CHST15: variants seen among roughly 807,000 people sequenced by gnomAD.
CHST15 encodes B cell RAG associated protein (GALNAC4S-6ST).
Under a neutral mutation model 53.6 loss-of-function variants are expected in CHST15, and 30 were observed. The observed-to-expected ratio is 0.56, with a 90% CI of 0.42 to 0.76. CHST15 has a LOEUF of 0.76. CHST15 is among the 30% of genes least tolerant of loss of function. The pLI, the probability that CHST15 is intolerant of heterozygous loss-of-function variation, is 0.00. For synonymous variants in CHST15, 296 were observed against 289.8 expected, an observed-to-expected ratio of 1.02 and a Z score of -0.22; for missense variants, 627 against 740.5, an observed-to-expected ratio of 0.85 and a Z score of 1.78.
intron 1 of CHST15, among the ~76,000 whole-genome samples, chr10:124,087,949 G>C (rs376745970): frequency 3.9e-5 from 6 of 152,378 alleles, no homozygotes; most frequent in African/African-American, 1.4e-4. Context: ...TGAGGAGACA[G>C]AGTCCAGAGA....
intron 5 of CHST15, among the ~76,000 whole-genome samples, chr10:124,028,864 C>T (rs906009949): frequency 2.0e-5 from 3 of 152,184 alleles, no homozygotes; most frequent in South Asian, 2.1e-4. Flanking sequence ...TGGCTCACCC[C>T]GGTGACGCTG....
In CHST15 at chr10:124,047,988, C is replaced by T. The variant is rs116830048; in HGVS notation, c.-512-1264G>A. Among the ~76,000 whole-genome samples the T allele has an allele frequency of 4.3e-3, 660 of 152,320 alleles. 5 individuals carry two copies. Among genetic ancestry groups the T allele is most frequent in the African/African-American group, 0.015 (633 of 41,572 alleles). Reference sequence around the variant, plus strand: ...CTCCATAGAGGCAGCATTAACTAACCGCGCATCAAGATCGCCATGTACTGG... The same window carrying T: ...CTCCATAGAGGCAGCATTAACTAACTGCGCATCAAGATCGCCATGTACTGG... On this transcript the variant is annotated intron_variant, in intron 1 of 7. Coordinates refer to ENST00000435907, the MANE Select transcript of CHST15 (RefSeq NM_001270764.2).
In CHST15 at chr10:124,010,156, G is replaced by A. The variant is rs201459284; in HGVS notation, c.1679C>T (p.Thr560Met). ...GCAGCAACAATTCAGCTCTCACGTC[G>A]TCTTCCACGCAAACGCCTCATCCGC... ...VLADEAFAWK[T>M]T Residue 560 changes from threonine to methionine, a missense_variant, in exon 8 of 8, where the codon ACG becomes ATG. Coordinates refer to ENST00000435907, the MANE Select transcript of CHST15 (RefSeq NM_001270764.2). The A allele has an allele frequency of 2.5e-5, 41 of 1,612,640 alleles. No homozygotes were observed. Among genetic ancestry groups the A allele is most frequent in the Non-Finnish European group, 1.1e-5 (13 of 1,180,052 alleles).
chr10:124,009,026 T>C lies in CHST15; in HGVS notation c.*1123A>G, dbSNP rs1269692618. The C allele has an allele frequency of 1.6e-6, 2 of 1,289,082 alleles. No individual in the cohort carries two copies. Among genetic ancestry groups the C allele is most frequent in the Admixed American group, 2.3e-5 (1 of 43,542 alleles). The allele number at this position is 1,289,082 out of a possible 1,614,324, so 79.9% of individuals were successfully genotyped here. On this transcript the variant is annotated 3_prime_UTR_variant, in exon 8 of 8. Coordinates refer to ENST00000435907, the MANE Select transcript of CHST15 (RefSeq NM_001270764.2). The stretch of plus-strand genomic sequence containing the variant: ...TCAGCTTGTGCATTGTGTTTTGGAA[T>C]TGGGACACGAGTATCTATAGTCCCT...
At chr10:124,076,945 G>A (rs1216081902) in intron 1 of CHST15, among the ~76,000 whole-genome samples, 4 of 152,006 alleles carry the variant, frequency 2.6e-5, no homozygotes, top group African/African-American at 4.8e-5. Flanking sequence ...TCCTGACCTC[G>A]TGATCCACCT....
chr10:124,027,652 C>A (rs1286214228), intron 5 of CHST15, among the ~76,000 whole-genome samples: 3 of 152,228 alleles, frequency 2.0e-5, no homozygotes, highest in Non-Finnish European at 4.4e-5. Flanking sequence ...AGGGCCACCA[C>A]CACCATGCCC....
chr10:124,038,202 A>T (rs913482239), intron 5 of CHST15, among the ~76,000 whole-genome samples: 1 of 150,460 alleles, frequency 6.6e-6, no homozygotes, highest in East Asian at 2.0e-4. Context: ...CGCCTCCTGG[A>T]TTCAAGCGAT....
intron 5 of CHST15, among the ~76,000 whole-genome samples, chr10:124,022,057 G>A (rs1946809194): frequency 6.6e-6 from 1 of 152,234 alleles, no homozygotes; most frequent in Non-Finnish European, 1.5e-5. Flanking sequence ...ACGTATGGCA[G>A]AATGCTGCCG....
chr10:124,020,916 T>G (rs1252120425), intron 6 of CHST15: 2 of 1,377,978 alleles, frequency 1.5e-6, no homozygotes, highest in Non-Finnish European at 1.9e-6. Flanking sequence ...AGAATGCTCT[T>G]AAGACAATTT....
chr10:124,056,900 C>A (rs753020340), intron 1 of CHST15, among the ~76,000 whole-genome samples: 1 of 151,780 alleles, frequency 6.6e-6, no homozygotes, highest in Admixed American at 6.6e-5. Context: ...CCTGTACGAC[C>A]GGACACATTG....
In CHST15 at chr10:124,010,106, G is replaced by T; in HGVS notation, c.*43C>A. On this transcript the variant is annotated 3_prime_UTR_variant, in exon 8 of 8. Transcript: ENST00000435907. ...AAGAGATTTGTAAAATCCTGATGAT[G>T]ACGGCATTGGCGGGCCCAGCACGTG... 1 of 1,611,910 alleles carries T rather than the reference G, an allele frequency of 6.2e-7. No individual in the cohort carries two copies. Among genetic ancestry groups the T allele is most frequent in the South Asian group, 1.1e-5 (1 of 90,850 alleles).
chr10:124,048,259 A>G (rs1948070964), intron 1 of CHST15, among the ~76,000 whole-genome samples: 1 of 152,260 alleles, frequency 6.6e-6, no homozygotes. Context: ...GGCCTTTGAT[A>G]TGCTAATAAG....
chr10:124,088,662 C>G (rs4929813), intron 1 of CHST15, among the ~76,000 whole-genome samples: 1,704 of 152,298 alleles, frequency 0.011, 80 homozygotes, highest in East Asian at 0.082. Flanking sequence ...CCAACAGCTT[C>G]CCAGCCCTTT....
chr10:124,086,267 T>C (rs184837434), intron 1 of CHST15, among the ~76,000 whole-genome samples: 25 of 152,338 alleles, frequency 1.6e-4, no homozygotes, highest in East Asian at 1.3e-3. Context: ...ACAGATGCCA[T>C]TGACCACCCT....
intron 5 of CHST15, among the ~76,000 whole-genome samples, chr10:124,035,473 G>C (rs1406688046): frequency 2.0e-5 from 3 of 149,124 alleles, no homozygotes; most frequent in Non-Finnish European, 4.4e-5. Flanking sequence ...CCCCTAACAG[G>C]GACCCCGGCT....
intron 1 of CHST15, among the ~76,000 whole-genome samples, chr10:124,056,796 C>A (rs922148977): frequency 2.2e-4 from 33 of 151,782 alleles, no homozygotes; most frequent in Non-Finnish European, 4.4e-4. Flanking sequence ...GCGGCCCAGG[C>A]CCGTACAACC....
Position 124,046,065 on chromosome 10 carries a change from T to A in CHST15, c.148A>T (p.Lys50Ter). ...AGAACAGCAAGCAAGTTCATCTGCT[T>A]ACTGTCCACACGAAACAGAATTTTG... ...ENKILFRVDS[K>*]QMNLLAVLEV... is the part of the protein sequence containing the mutation. Residue 50 changes from lysine to a stop codon, truncating the protein, a stop_gained, in exon 2 of 8, where the codon AAG (lysine) becomes TAG (stop). Transcript: ENST00000435907. LOFTEE classifies it high-confidence loss of function. 6.2e-7 allele frequency: 1 copy of A among 1,614,246 alleles called. No homozygotes were observed. The highest frequency in any genetic ancestry group is 8.5e-7 in the Non-Finnish European group (1 of 1,180,042).
At chr10:124,070,481 A>G (rs1157095804) in intron 1 of CHST15, among the ~76,000 whole-genome samples, 1 of 151,882 alleles carries the variant, frequency 6.6e-6, no homozygotes, top group Non-Finnish European at 1.5e-5. Context: ...CAGGTTCAAG[A>G]GATTCTTCTG....
At chr10:124,030,762 G>A (rs779393956) in intron 5 of CHST15, among the ~76,000 whole-genome samples, 4 of 152,236 alleles carry the variant, frequency 2.6e-5, no homozygotes, top group African/African-American at 4.8e-5. Flanking sequence ...TGCTTCTAGG[G>A]GCTGGGGGAA....
Sources: gnomAD v4.1 joint callset for allele counts (sites outside exome capture counted in the v4.1 genomes callset) on GRCh38, gnomAD v4.1.1 for gene constraint, MANE v1.5 for transcripts, NCBI Gene and HGNC (gene_info 2026-07-23, HGNC 2026-07-21) for gene names.